The following RBFOX1 variants were observed in gnomAD, a reference collection of about 807,000 sequenced individuals.
RBFOX1 encodes the protein RNA binding fox-1 homolog 1, also known as RNA binding protein fox-1 homolog 1.
RBFOX1 carries 8 observed loss-of-function variants against 57.7 expected under a neutral mutation model. That is an observed-to-expected ratio of 0.14 (90% CI 0.08 to 0.25). RBFOX1 has a LOEUF of 0.25. Among genes scored for constraint, RBFOX1 ranks in the 10% least tolerant of loss-of-function variants. The pLI, the probability that RBFOX1 is intolerant of heterozygous loss-of-function variation, is 1.00. For missense variants in RBFOX1, 611 were observed against 548.5 expected (o/e 1.11, Z -1.14); for synonymous variants, 326 against 222.4 (o/e 1.47, Z -4.15).
chr16:6,640,540 G>A (rs1207214137), intron 2 of RBFOX1, among the ~76,000 whole-genome samples: 2 of 151,912 alleles, frequency 1.3e-5, no homozygotes, highest in Non-Finnish European at 2.9e-5. Flanking sequence ...CCCGGGAAGC[G>A]GAGATTGCAG....
intron 3 of RBFOX1, among the ~76,000 whole-genome samples, chr16:5,713,985 T>G (rs2051591340): frequency 6.6e-6 from 1 of 152,182 alleles, no homozygotes; most frequent in South Asian, 2.1e-4. Context: ...TTTTGAGGTT[T>G]TAGGAAGCTC....
At chr16:7,504,747 A>ATTTT (rs2072430455) in intron 4 of RBFOX1, among the ~76,000 whole-genome samples, 1 of 12,398 alleles carries the variant, frequency 8.1e-5, no homozygotes, top group African/African-American at 2.6e-4. Context: ...ATATATATAT[A>ATTTT]TATATATTTA....
chr16:5,410,017 C>A (rs1456812257), intron 1 of RBFOX1, among the ~76,000 whole-genome samples: 1 of 147,948 alleles, frequency 6.8e-6, no homozygotes, highest in Non-Finnish European at 1.5e-5. Context: ...CAGTGCACTT[C>A]AGCCTGGGTG....
At chr16:7,342,744 G>A (rs955220461) in intron 4 of RBFOX1, among the ~76,000 whole-genome samples, 16 of 152,106 alleles carry the variant, frequency 1.1e-4, no homozygotes, top group East Asian at 2.0e-4. Flanking sequence ...TCATGGCTCT[G>A]GGTGGTGTGA....
intron 3 of RBFOX1, among the ~76,000 whole-genome samples, chr16:6,808,833 C>T (rs1168183258): frequency 1.3e-5 from 2 of 152,252 alleles, no homozygotes; most frequent in East Asian, 1.9e-4. Context: ...CATAGAAAAT[C>T]ACTACCTCTT....
intron 2 of RBFOX1, among the ~76,000 whole-genome samples, chr16:5,492,015 G>A (rs1422243490): frequency 1.3e-5 from 2 of 152,190 alleles, no homozygotes; most frequent in Non-Finnish European, 2.9e-5. Flanking sequence ...ATTACAGAGT[G>A]TGGGCCCCAG....
rs75359368 is a variant in RBFOX1 at position 6,666,604 on chromosome 16, G to C, written c.-16+11954G>C. On this transcript the variant is annotated intron_variant, in intron 3 of 15. Coordinates refer to ENST00000550418, the MANE Select transcript of RBFOX1 (RefSeq NM_018723.4). ...ACCCAGGTGGTAACTGTGGAGGTGG[G>C]ATTCAAACCCAGGAAGTCTTTGTTT... Among the ~76,000 whole-genome samples the C allele has an allele frequency of 1.6e-3, 248 of 151,690 alleles. No individual in the cohort carries two copies. The East Asian group carries it at 0.027, about 16-fold the overall frequency.
At chr16:7,554,510 T>C (rs2087666936) in intron 5 of RBFOX1, among the ~76,000 whole-genome samples, 1 of 152,152 alleles carries the variant, frequency 6.6e-6, no homozygotes, top group Non-Finnish European at 1.5e-5. Context: ...AAGTGTTAGT[T>C]GGAGTAAACA....
intron 1 of RBFOX1, among the ~76,000 whole-genome samples, chr16:6,237,322 T>A (rs1008462894): frequency 5.9e-5 from 9 of 152,250 alleles, no homozygotes; most frequent in South Asian, 2.1e-4. Flanking sequence ...GTGGAAGAAG[T>A]TTGAGAGGCA....
chr16:6,733,657 C>A (rs1335240650), intron 3 of RBFOX1, among the ~76,000 whole-genome samples: 1 of 152,216 alleles, frequency 6.6e-6, no homozygotes, highest in East Asian at 1.9e-4. Flanking sequence ...ACTCAGGAGG[C>A]TGAGATGGGC....
chr16:7,492,966 C>A (rs1370914789), intron 4 of RBFOX1, among the ~76,000 whole-genome samples: 1 of 152,148 alleles, frequency 6.6e-6, no homozygotes. Context: ...GCAACCTCCG[C>A]CTCCCAGGTT....
In RBFOX1 at chr16:6,910,558, C is replaced by T. The variant is rs75193783; in HGVS notation, c.-15-141499C>T. ...GGAGGTCAGAAGTCCAAAACGGCCC[C>T]TATTGGGGTAAAATCAAAGCCTCAG... On this transcript the variant is annotated intron_variant, in intron 3 of 15. Coordinates refer to ENST00000550418, the MANE Select transcript of RBFOX1 (RefSeq NM_018723.4). 1.2e-3 allele frequency among the ~76,000 whole-genome samples: 177 copies of T among 152,270 alleles called. 3 individuals are homozygous for T. The East Asian group carries it at 0.031, about 26-fold the overall frequency.
rs370876187 is a variant in RBFOX1 at position 5,307,687 on chromosome 16, C to G, written c.219+67582C>G. ...ATTTATTTATGATGAATTATTACTA[C>G]TTTTTAGAGACACGGTCTCACTCTG... On this transcript the variant is annotated intron_variant, in intron 1 of 2. Coordinates refer to the RBFOX1 transcript ENST00000585867. Among the ~76,000 whole-genome samples the G allele has an allele frequency of 1.3e-3, 202 of 152,214 alleles. 1 individual carries two copies. Among genetic ancestry groups the G allele is most frequent in the African/African-American group, 4.6e-3 (193 of 41,522 alleles).
At chr16:6,073,020 G>C (rs1246740041) in intron 1 of RBFOX1, among the ~76,000 whole-genome samples, 1 of 152,102 alleles carries the variant, frequency 6.6e-6, no homozygotes, top group Non-Finnish European at 1.5e-5. Flanking sequence ...TATGTGAAAG[G>C]CTAGTGTATT....
chr16:7,694,062 C>G (rs1047424142), intron 14 of RBFOX1, among the ~76,000 whole-genome samples: 3 of 152,142 alleles, frequency 2.0e-5, no homozygotes, highest in Non-Finnish European at 4.4e-5. Flanking sequence ...TAAATTTGTA[C>G]TTTGATTAGT....
At chr16:5,939,949 G>A (rs896582067) in intron 4 of RBFOX1, among the ~76,000 whole-genome samples, 2 of 152,326 alleles carry the variant, frequency 1.3e-5, no homozygotes, top group South Asian at 2.1e-4. Flanking sequence ...CCTACTAGCT[G>A]TGTGACCCTG....
chr16:6,561,916 C>G (rs1298457232), intron 2 of RBFOX1, among the ~76,000 whole-genome samples: 1 of 152,120 alleles, frequency 6.6e-6, no homozygotes, highest in Non-Finnish European at 1.5e-5. Context: ...GAGTATGTAT[C>G]ACTCTGGCCT....
At chr16:5,662,769 G>A (rs1311147512) in intron 3 of RBFOX1, among the ~76,000 whole-genome samples, 1 of 152,208 alleles carries the variant, frequency 6.6e-6, no homozygotes, top group Non-Finnish European at 1.5e-5. Context: ...TGAAACTGAA[G>A]ACAATCGGGT....
intron 3 of RBFOX1, among the ~76,000 whole-genome samples, chr16:5,680,675 GT>G: frequency 6.6e-6 from 1 of 152,304 alleles, no homozygotes; most frequent in East Asian, 1.9e-4. Context: ...GTAGTCTGAG[GT>G]CTTAACCTTG....
Sources: allele counts gnomAD v4.1 joint callset (sites outside exome capture counted in the v4.1 genomes callset), GRCh38; gene constraint gnomAD v4.1.1; transcripts MANE v1.5; gene names NCBI Gene and HGNC (gene_info 2026-07-23, HGNC 2026-07-21).